Variants in BTC observed in about 807,000 individuals in gnomAD.
BTC encodes probetacellulin.
Under a neutral mutation model 18.1 loss-of-function variants are expected in BTC, and 13 were observed. That is an observed-to-expected ratio of 0.72 (90% CI 0.47 to 1.14). The LOEUF is 1.14. Ranked by LOEUF, BTC falls within the 50% of genes most tolerant of loss-of-function variation. The pLI is 0.00. For synonymous variants in BTC, 83 were observed against 79.4 expected, an observed-to-expected ratio of 1.05 and a Z score of -0.24; for missense variants, 247 against 224.2, an observed-to-expected ratio of 1.10 and a Z score of -0.65.
chr4:74,791,886 G>A (rs1254442925), intron 1 of BTC, among the ~76,000 whole-genome samples: 1 of 151,704 alleles, frequency 6.6e-6, no homozygotes, highest in African/African-American at 2.4e-5. Flanking sequence ...GTAACTTACA[G>A]ACATCTCGGA....
intron 1 of BTC, among the ~76,000 whole-genome samples, chr4:74,780,464 C>T (rs1204401614): frequency 6.6e-6 from 1 of 152,154 alleles, no homozygotes; most frequent in Non-Finnish European, 1.5e-5. Flanking sequence ...ACTCTTCTGA[C>T]CCTCCATTAC....
At chr4:74,774,640 A>T (rs979267788) in intron 1 of BTC, among the ~76,000 whole-genome samples, 4 of 151,938 alleles carry the variant, frequency 2.6e-5, no homozygotes, top group Admixed American at 2.6e-4. Flanking sequence ...ATAACTTGTT[A>T]AAAGACATGG....
chr4:74,752,380 T>C (rs1180067468), intron 3 of BTC, among the ~76,000 whole-genome samples: 1 of 73,942 alleles, frequency 1.4e-5, no homozygotes, highest in African/African-American at 4.0e-5. Flanking sequence ...GGGGAATCAC[T>C]TTTTTTTTTT....
rs563991493 is a variant in BTC at position 74,769,036 on chromosome 4, A to T, written c.163+1022T>A. On this transcript the variant is annotated intron_variant, in intron 2 of 5. Coordinates refer to ENST00000395743, the MANE Select transcript of BTC (RefSeq NM_001729.4). ...CTACTGTGAGGGATGAAAGGGGAAA[A>T]TTGGGCTGGAACTGATGACTCACAT... 2.0e-5 allele frequency among the ~76,000 whole-genome samples: 3 copies of T among 152,186 alleles called. No homozygotes were observed. In the East Asian group the frequency reaches 5.8e-4, roughly 29 times the overall value.
At chr4:74,761,523 C>G (rs1460074293) in intron 2 of BTC, among the ~76,000 whole-genome samples, 1 of 152,232 alleles carries the variant, frequency 6.6e-6, no homozygotes, top group Non-Finnish European at 1.5e-5. Context: ...GGATATCTAA[C>G]TGGCATTTCA....
chr4:74,785,329 G>C (rs539206164), intron 1 of BTC, among the ~76,000 whole-genome samples: 1 of 151,928 alleles, frequency 6.6e-6, no homozygotes, highest in African/African-American at 2.4e-5. Flanking sequence ...TTCTTTATTA[G>C]TCTAGTTAGC....
At chr4:74,790,161 T>C (rs951719184) in intron 1 of BTC, among the ~76,000 whole-genome samples, 10 of 152,164 alleles carry the variant, frequency 6.6e-5, no homozygotes, top group Admixed American at 5.2e-4. Context: ...TCCCATTAAT[T>C]AGTAGAGCCT....
In BTC at chr4:74,750,738, G is replaced by A. The variant is rs782641617; in HGVS notation, c.282-19C>T. 6.2e-6 allele frequency: 10 copies of A among 1,604,002 alleles called. No homozygotes were observed. The highest frequency in any genetic ancestry group is 1.7e-4 in the Middle Eastern group (1 of 6,038). On this transcript the variant is annotated intron_variant, in intron 3 of 5. Coordinates refer to ENST00000395743, the MANE Select transcript of BTC (RefSeq NM_001729.4). ...ATCACAGCTATAAAACAAGACGAGG[G>A]CAAGGAAGTAAAACTTGCAAGACTT...
intron 1 of BTC, among the ~76,000 whole-genome samples, chr4:74,782,535 C>T (rs1285743426): frequency 6.6e-6 from 1 of 152,148 alleles, no homozygotes; most frequent in African/African-American, 2.4e-5. Flanking sequence ...CGTATATTTG[C>T]TATTGTGAAT....
chr4:74,794,394 C>A lies in BTC; in HGVS notation c.-69G>T. On this transcript the variant is annotated 5_prime_UTR_variant, in exon 1 of 6. In the 5' UTR this introduces an upstream ATG that the reference lacks. Coordinates refer to ENST00000395743, the MANE Select transcript of BTC (RefSeq NM_001729.4). ...CTCCTTCTTCGCCCCCTTCCCGGGC[C>A]TCGGGCGCCTGAGAGGGTGCCTGGA... The A allele has an allele frequency of 7.0e-7, 1 of 1,434,758 alleles. No individual in the cohort carries two copies. Among genetic ancestry groups the A allele is most frequent in the African/African-American group, 1.5e-5 (1 of 68,530 alleles). 88.9% of individuals were successfully genotyped at this position (1,434,758 alleles called of 1,614,324 possible).
At chr4:74,752,207 C>T (rs1724479114) in intron 3 of BTC, among the ~76,000 whole-genome samples, 1 of 152,082 alleles carries the variant, frequency 6.6e-6, no homozygotes, top group South Asian at 2.1e-4. Context: ...GAAAAGACAA[C>T]TAAAGGCATC....
intron 1 of BTC, among the ~76,000 whole-genome samples, chr4:74,781,975 T>G (rs1725343955): frequency 1.3e-5 from 2 of 152,166 alleles, no homozygotes; most frequent in South Asian, 4.1e-4. Context: ...TAATGTCACA[T>G]AGTCTCACAA....
At chr4:74,756,377 A>G (rs782308775) in intron 2 of BTC, among the ~76,000 whole-genome samples, 8 of 152,230 alleles carry the variant, frequency 5.3e-5, no homozygotes, top group Non-Finnish European at 1.0e-4. Flanking sequence ...AAACATTTAC[A>G]TAGTATTTCC....
intron 2 of BTC, among the ~76,000 whole-genome samples, chr4:74,761,768 C>A (rs1553957366): frequency 6.6e-6 from 1 of 152,202 alleles, no homozygotes; most frequent in African/African-American, 2.4e-5. Context: ...AGTAGCATCT[C>A]AGACTGGAAA....
At chr4:74,791,969 T>TCACACACACA (rs3087019) in intron 1 of BTC, among the ~76,000 whole-genome samples, 28 of 134,248 alleles carry the variant, frequency 2.1e-4, no homozygotes, top group South Asian at 1.7e-3. Context: ...TTCCACCATC[T>TCACACACACA]CACACACACA....
intron 1 of BTC, 83 bp downstream of exon 1, chr4:74,794,179 C>A: frequency 6.6e-7 from 1 of 1,518,880 alleles, no homozygotes; most frequent in South Asian, 1.2e-5. Context: ...GTCCAGATGC[C>A]AGCTCGGTTC....
intron 2 of BTC, among the ~76,000 whole-genome samples, chr4:74,756,910 A>G (rs1293921551): frequency 6.6e-6 from 1 of 152,224 alleles, no homozygotes; most frequent in Non-Finnish European, 1.5e-5. Context: ...ATTTCAGTAA[A>G]TAACAATCAA....
chr4:74,758,319 T>G (rs879956170), intron 2 of BTC, among the ~76,000 whole-genome samples: 1 of 152,190 alleles, frequency 6.6e-6, no homozygotes. Context: ...ATGGATGAAA[T>G]TAAATGGTAT....
intron 2 of BTC, among the ~76,000 whole-genome samples, chr4:74,761,165 G>A (rs1724747783): frequency 6.6e-6 from 1 of 152,118 alleles, no homozygotes; most frequent in South Asian, 2.1e-4. Flanking sequence ...TGAAGCATGG[G>A]TATCTTTGCA....
Sources: allele counts gnomAD v4.1 joint callset (sites outside exome capture counted in the v4.1 genomes callset), GRCh38; gene constraint gnomAD v4.1.1; transcripts MANE v1.5; gene names NCBI Gene and HGNC (gene_info 2026-07-23, HGNC 2026-07-21).